CSNK2A1: variants seen among roughly 807,000 people sequenced by gnomAD.
CSNK2A1 encodes casein kinase II subunit alpha.
In CSNK2A1, 10 loss-of-function variants were observed where a neutral mutation model predicts 62.9. The observed-to-expected ratio is 0.16, with a 90% confidence interval of 0.10 to 0.27. The LOEUF (loss-of-function observed/expected upper bound fraction) is 0.27. CSNK2A1 is among the 10% of genes least tolerant of loss of function. The probability of loss-of-function intolerance (pLI) is 1.00; values close to 1 mark genes in which losing one functional copy is unlikely to be tolerated. For synonymous variants in CSNK2A1, 124 were observed against 167.8 expected (o/e 0.74, Z 2.02); for missense variants, 160 against 492.0 (o/e 0.33, Z 6.38).
At chr20:487,036 G>T in intron 12 of CSNK2A1, 1 of 210,166 alleles carries the variant, frequency 4.8e-6, no homozygotes, top group Non-Finnish European at 9.7e-6. Flanking sequence ...TGGCACAGGT[G>T]GCTATACTCA....
chr20:492,417 T>G, intron 8 of CSNK2A1, 53 bp from the exon 9 acceptor site: 1 of 1,566,596 alleles, frequency 6.4e-7, no homozygotes, highest in South Asian at 1.1e-5. Flanking sequence ...CTACCCACAC[T>G]GTGCCATTAG....
chr20:528,536 T>A (rs2019144802), intron 1 of CSNK2A1, among the ~76,000 whole-genome samples: 1 of 152,148 alleles, frequency 6.6e-6, no homozygotes, highest in African/African-American at 2.4e-5. Flanking sequence ...CTCCTTCAGC[T>A]TCCTTAGTAG....
At chr20:541,853 C>T (rs2019457407) in intron 1 of CSNK2A1, among the ~76,000 whole-genome samples, 1 of 152,202 alleles carries the variant, frequency 6.6e-6, no homozygotes, top group East Asian at 1.9e-4. Flanking sequence ...TCAAGTCATA[C>T]ACCCTCCCGC....
intron 1 of CSNK2A1, among the ~76,000 whole-genome samples, chr20:543,411 A>T (rs956639039): frequency 6.6e-6 from 1 of 151,028 alleles, no homozygotes; most frequent in African/African-American, 2.4e-5. Context: ...CTCCTCTGCA[A>T]TAAGCTGGAC....
intron 2 of CSNK2A1, among the ~76,000 whole-genome samples, chr20:524,923 G>C (rs1044311988): frequency 2.0e-5 from 3 of 151,988 alleles, no homozygotes; most frequent in Non-Finnish European, 2.9e-5. Context: ...TGACCAGCCT[G>C]GGCAACACAG....
At position 478,892 on chromosome 20, in the gene CSNK2A1, A is replaced by C. The variant is rs2017902260; in HGVS notation, c.*5069T>G. 4.8e-6 allele frequency: 1 copy of C among 208,172 alleles called. No individual in the cohort carries two copies. The allele number at this position is 208,172 out of a possible 1,614,324, so 12.9% of individuals were successfully genotyped here. Reference sequence around the variant, plus strand: ...CAGTGAGCTGTGATGGCGCTACTGCACTCTAGCCTGGGTAACAGAGCAAGA... The same window carrying C: ...CAGTGAGCTGTGATGGCGCTACTGCCCTCTAGCCTGGGTAACAGAGCAAGA... On this transcript the variant is annotated 3_prime_UTR_variant, in exon 14 of 14. Coordinates refer to ENST00000217244, the MANE Select transcript of CSNK2A1 (RefSeq NM_177559.3).
chr20:522,673 G>A (rs193186007), intron 2 of CSNK2A1, among the ~76,000 whole-genome samples: 4 of 150,420 alleles, frequency 2.7e-5, no homozygotes, highest in Non-Finnish European at 4.4e-5. Context: ...GTATTATACC[G>A]ATGTTAATTT....
intron 3 of CSNK2A1, among the ~76,000 whole-genome samples, chr20:505,430 G>C (rs532193098): frequency 1.5e-4 from 19 of 128,588 alleles, no homozygotes; most frequent in South Asian, 7.1e-4. Context: ...CGCGATCTCT[G>C]CTGACTGCCA....
chr20:490,335 C>CTTTTTTTTTTTTT (rs907727482), intron 9 of CSNK2A1, among the ~76,000 whole-genome samples: 6 of 84,790 alleles, frequency 7.1e-5, no homozygotes, highest in African/African-American at 1.1e-4. Context: ...CTAGTTTTTT[C>CTTTTTTTTTTTTT]TTTTTTTTTT....
chr20:516,364 C>A (rs1248345415), intron 2 of CSNK2A1, among the ~76,000 whole-genome samples: 1 of 152,166 alleles, frequency 6.6e-6, no homozygotes, highest in Non-Finnish European at 1.5e-5. Flanking sequence ...GCCAATTAAT[C>A]AGCTACGAAA....
At chr20:504,513 T>TTCATATACATA (rs2018536208) in intron 4 of CSNK2A1, 1 of 152,228 alleles carries the variant, frequency 6.6e-6, no homozygotes, top group African/African-American at 2.4e-5. Flanking sequence ...CACTTAAAAG[T>TTCATATACATA]CAGGAAAATT....
At chr20:531,949 C>T (rs1261061704) in intron 1 of CSNK2A1, among the ~76,000 whole-genome samples, 1 of 152,162 alleles carries the variant, frequency 6.6e-6, no homozygotes, top group Admixed American at 6.5e-5. Context: ...CACTACTGTC[C>T]AACCTTAAAT....
chr20:473,523 A>AG lies in CSNK2A1; in HGVS notation c.*10437dup, dbSNP rs2017792499. The AG allele has an allele frequency of 6.6e-6, 1 of 152,048 alleles. No homozygotes were observed. Among genetic ancestry groups the AG allele is most frequent in the Admixed American group, 6.6e-5 (1 of 15,256 alleles). The allele number at this position is 152,048 out of a possible 1,614,324, so 9.4% of individuals were successfully genotyped here. On this transcript the variant is annotated 3_prime_UTR_variant, in exon 14 of 14. Transcript: ENST00000217244. The stretch of plus-strand genomic sequence containing the variant: ...TTGGTGTCCTTCCCTCCACAGACTA[A>AG]GGCTTTTGTCCGGTAGGGGATACAG...
rs1056705408 is a variant in CSNK2A1, at chr20:479,784, C to T, written c.*4177G>A. The T allele has an allele frequency of 7.2e-5, 11 of 152,192 alleles. No homozygotes were observed. The highest frequency in any genetic ancestry group is 2.7e-4 in the African/African-American group (11 of 41,452). 9.4% of individuals were successfully genotyped at this position (152,192 alleles called of 1,614,324 possible). ...AGAATAGTCTGAATTTCGTATTACA[C>T]GTTGAGCATTTCTAATTTGAAAATA... On this transcript the variant is annotated 3_prime_UTR_variant, in exon 14 of 14. Coordinates refer to ENST00000217244, the MANE Select transcript of CSNK2A1 (RefSeq NM_177559.3).
At chr20:510,581 C>T (rs1228394638) in intron 2 of CSNK2A1, among the ~76,000 whole-genome samples, 1 of 152,084 alleles carries the variant, frequency 6.6e-6, no homozygotes, top group East Asian at 1.9e-4. Flanking sequence ...TGTGCCCACA[C>T]GTTTACATGT....
At chr20:531,317 C>T (rs2019207872) in intron 1 of CSNK2A1, among the ~76,000 whole-genome samples, 1 of 152,166 alleles carries the variant, frequency 6.6e-6, no homozygotes, top group African/African-American at 2.4e-5. Flanking sequence ...CAACAACTGG[C>T]TCTTTTAACA....
At chr20:512,991 G>T (rs2122584821) in intron 2 of CSNK2A1, among the ~76,000 whole-genome samples, 1 of 152,268 alleles carries the variant, frequency 6.6e-6, no homozygotes, top group East Asian at 1.9e-4. Flanking sequence ...TACTATGCCT[G>T]CCTTGACAGC....
intron 1 of CSNK2A1, among the ~76,000 whole-genome samples, chr20:530,602 T>C (rs2019192805): frequency 6.6e-6 from 1 of 151,936 alleles, no homozygotes; most frequent in Non-Finnish European, 1.5e-5. Flanking sequence ...GTCTTCCAAG[T>C]AGCTGGGACT....
rs1469443465 is a variant in CSNK2A1 at position 479,693 on chromosome 20, A to C, written c.*4268T>G. 1 of 152,260 alleles carries C rather than the reference A, an allele frequency of 6.6e-6. No individual in the cohort carries two copies. Among genetic ancestry groups the C allele is most frequent in the Non-Finnish European group, 1.5e-5 (1 of 68,046 alleles). 9.4% of individuals were successfully genotyped at this position (152,260 alleles called of 1,614,324 possible). A position where few individuals can be genotyped will look rare whatever the true frequency, so the allele number is the denominator to read the frequency against. ...CAAAGGAGAGCTATAAAGTCTAGGA[A>C]GTACTTATTTACATAGGATTGAGTC... On this transcript the variant is annotated 3_prime_UTR_variant, in exon 14 of 14. Transcript: ENST00000217244.
Sources: gnomAD v4.1 joint callset for allele counts (sites outside exome capture counted in the v4.1 genomes callset) on GRCh38, gnomAD v4.1.1 for gene constraint, MANE v1.5 for transcripts, NCBI Gene and HGNC (gene_info 2026-07-23, HGNC 2026-07-21) for gene names.